Variants in RTN1 observed in about 807,000 individuals in gnomAD.
RTN1 encodes the protein reticulon-1.
A neutral mutation model predicts 65.5 loss-of-function variants in RTN1; 25 were observed. The observed-to-expected ratio is 0.38, with a 90% CI of 0.28 to 0.53. RTN1 has a LOEUF of 0.53. Ranked by LOEUF, RTN1 falls within the 20% of genes least tolerant of loss-of-function variation. RTN1 has a pLI of 0.79. For synonymous variants in RTN1, 471 were observed against 447.6 expected (o/e 1.05, Z -0.66); for missense variants, 983 against 1,025.4 (o/e 0.96, Z 0.57).
At chr14:59,674,859 T>C (rs1232781151) in intron 3 of RTN1, among the ~76,000 whole-genome samples, 1 of 152,170 alleles carries the variant, frequency 6.6e-6, no homozygotes, top group Non-Finnish European at 1.5e-5. Context: ...ATACAAACTA[T>C]AATGAGGCTA....
At chr14:59,696,106 G>A (rs1884057731) in intron 3 of RTN1, among the ~76,000 whole-genome samples, 1 of 152,032 alleles carries the variant, frequency 6.6e-6, no homozygotes, top group Non-Finnish European at 1.5e-5. Flanking sequence ...GCAACTATTC[G>A]GCTAAGTTTC....
intron 1 of RTN1, among the ~76,000 whole-genome samples, chr14:59,843,568 A>G (rs1389487712): frequency 6.6e-6 from 1 of 152,238 alleles, no homozygotes; most frequent in East Asian, 1.9e-4. Context: ...CAACTTATAT[A>G]CCTGTTACTA....
intron 1 of RTN1, among the ~76,000 whole-genome samples, chr14:59,843,293 G>A (rs1316155680): frequency 1.3e-5 from 2 of 152,198 alleles, no homozygotes; most frequent in Non-Finnish European, 2.9e-5. Context: ...CAGAATAACG[G>A]TTGCCTCTGG....
chr14:59,809,889 A>G (rs1348993540), intron 1 of RTN1, among the ~76,000 whole-genome samples: 1 of 152,158 alleles, frequency 6.6e-6, no homozygotes, highest in Non-Finnish European at 1.5e-5. Flanking sequence ...GTCTCTGTTC[A>G]AGGATTTTGA....
intron 3 of RTN1, among the ~76,000 whole-genome samples, chr14:59,715,929 A>G (rs1884525616): frequency 6.6e-6 from 1 of 152,170 alleles, no homozygotes; most frequent in Non-Finnish European, 1.5e-5. Context: ...TTCTAGAATC[A>G]TTTATTTATG....
At chr14:59,740,168 G>C (rs180886280) in intron 2 of RTN1, among the ~76,000 whole-genome samples, 74 of 150,020 alleles carry the variant, frequency 4.9e-4, no homozygotes, top group African/African-American at 1.8e-3. Context: ...GCCAAGTCGT[G>C]TTTGTTCATT....
At chr14:59,826,536 C>T (rs558838532) in intron 1 of RTN1, among the ~76,000 whole-genome samples, 1 of 152,306 alleles carries the variant, frequency 6.6e-6, no homozygotes, top group South Asian at 2.1e-4. Flanking sequence ...CCCCAGAATT[C>T]CTCCCCCTGA....
intron 1 of RTN1, among the ~76,000 whole-genome samples, chr14:59,859,880 C>A (rs1193454444): frequency 1.3e-5 from 2 of 152,150 alleles, no homozygotes; most frequent in African/African-American, 4.8e-5. Context: ...AGATGATTTA[C>A]GGTATCTGGC....
At chr14:59,733,972 G>C (rs1369136522) in intron 2 of RTN1, among the ~76,000 whole-genome samples, 1 of 152,122 alleles carries the variant, frequency 6.6e-6, no homozygotes, top group African/African-American at 2.4e-5. Context: ...ACCACCTACA[G>C]GCACATTTGG....
At chr14:59,661,164 TA>T (rs1354031236) in intron 3 of RTN1, among the ~76,000 whole-genome samples, 1 of 143,626 alleles carries the variant, frequency 7.0e-6, no homozygotes, top group Non-Finnish European at 1.5e-5. Context: ...CCTGGACACA[TA>T]CACCCTCCCA....
chr14:59,615,766 T>A (rs1489440268), intron 3 of RTN1, among the ~76,000 whole-genome samples: 1 of 152,216 alleles, frequency 6.6e-6, no homozygotes, highest in Non-Finnish European at 1.5e-5. Context: ...AAGGTCTTAT[T>A]TTCTTCTTTG....
At chr14:59,798,956 G>C (rs1164883979) in intron 1 of RTN1, among the ~76,000 whole-genome samples, 1 of 152,148 alleles carries the variant, frequency 6.6e-6, no homozygotes, top group African/African-American at 2.4e-5. Context: ...ATAACAGTTA[G>C]TGATTTGCTA....
At chr14:59,844,200 G>A (rs199819741) in intron 1 of RTN1, among the ~76,000 whole-genome samples, 8 of 152,178 alleles carry the variant, frequency 5.3e-5, no homozygotes, top group Non-Finnish European at 1.2e-4. Context: ...TTGAATGTAC[G>A]CTCCCGAACT....
intron 3 of RTN1, among the ~76,000 whole-genome samples, chr14:59,723,920 AAAAAGTATTCTACAATCACATAGGT>A (rs1884701971): frequency 6.6e-6 from 1 of 152,236 alleles, no homozygotes; most frequent in African/African-American, 2.4e-5. Flanking sequence ...ACACTCTAAT[AAAAAGTATTCTACAATCACATAGGT>A]TTGGTAAATA....
intron 3 of RTN1, among the ~76,000 whole-genome samples, chr14:59,709,147 T>G (rs1039337673): frequency 1.3e-5 from 2 of 152,184 alleles, no homozygotes; most frequent in African/African-American, 4.8e-5. Flanking sequence ...TTTTTAGAGA[T>G]GTACACTGAA....
chr14:59,699,847 C>T (rs888157360), intron 3 of RTN1, among the ~76,000 whole-genome samples: 1 of 152,182 alleles, frequency 6.6e-6, no homozygotes, highest in African/African-American at 2.4e-5. Flanking sequence ...ATCAAGTATA[C>T]TAACACTGAT....
At chr14:59,782,486 AC>A (rs1226179247) in intron 1 of RTN1, among the ~76,000 whole-genome samples, 21 of 152,228 alleles carry the variant, frequency 1.4e-4, no homozygotes, top group African/African-American at 5.1e-4. Context: ...TAGATAGTGC[AC>A]TTTTCCCCTG....
chr14:59,756,733 T>C (rs1418434458), intron 1 of RTN1, among the ~76,000 whole-genome samples: 1 of 152,188 alleles, frequency 6.6e-6, no homozygotes, highest in Admixed American at 6.5e-5. Context: ...CAAAAAAATG[T>C]GTACTATAAA....
chr14:59,646,418 A>G (rs1037884067), intron 3 of RTN1, among the ~76,000 whole-genome samples: 1 of 152,212 alleles, frequency 6.6e-6, no homozygotes, highest in Non-Finnish European at 1.5e-5. Context: ...AACTTTCCCA[A>G]CCTCACTACA....
Sources: gnomAD v4.1 joint callset for allele counts (sites outside exome capture counted in the v4.1 genomes callset) on GRCh38, gnomAD v4.1.1 for gene constraint, MANE v1.5 for transcripts, NCBI Gene and HGNC (gene_info 2026-07-23, HGNC 2026-07-21) for gene names.